NTNG2: variants seen among roughly 807,000 people sequenced by gnomAD.
NTNG2 encodes the protein netrin G2, also known as netrin-G2.
NTNG2 carries 15 observed loss-of-function variants against 47.6 expected under a neutral mutation model. The ratio of observed to expected loss-of-function variants is 0.32; its 90% CI spans 0.21 to 0.49. The LOEUF (loss-of-function observed/expected upper bound fraction) is 0.49, where lower values mean the gene tolerates loss of function less well. NTNG2 is among the 20% of genes least tolerant of loss of function. NTNG2 has a pLI of 0.99. For missense variants in NTNG2, 578 were observed against 764.6 expected (o/e 0.76, Z 2.88); for synonymous variants, 307 against 324.6 (o/e 0.95, Z 0.58).
intron 2 of NTNG2, among the ~76,000 whole-genome samples, chr9:132,196,896 G>A (rs1447766538): frequency 3.9e-5 from 6 of 152,132 alleles, no homozygotes; most frequent in African/African-American, 4.8e-5. Context: ...GGGTTCCCAC[G>A]ACCCCTCCCT....
intron 5 of NTNG2, among the ~76,000 whole-genome samples, chr9:132,234,540 A>C (rs1018471657): frequency 6.6e-6 from 1 of 152,142 alleles, no homozygotes; most frequent in Non-Finnish European, 1.5e-5. Flanking sequence ...GTGCCTCCCA[A>C]CAGGTGCTTC....
intron 2 of NTNG2, among the ~76,000 whole-genome samples, chr9:132,195,206 T>C (rs1234750704): frequency 1.3e-5 from 2 of 151,916 alleles, no homozygotes; most frequent in African/African-American, 4.8e-5. Context: ...TAAAACCCCA[T>C]GCCACCCTCC....
intron 3 of NTNG2, among the ~76,000 whole-genome samples, chr9:132,216,132 G>T (rs927433078): frequency 6.6e-6 from 1 of 152,134 alleles, no homozygotes; most frequent in Non-Finnish European, 1.5e-5. Flanking sequence ...GCGCTACCTG[G>T]TGCTGCAGCC....
chr9:132,215,591 A>C lies in NTNG2; in HGVS notation c.858-11258A>C, dbSNP rs1287937873. ...CGAGATTCCATCTCAAAATAAGTAA[A>C]TAAATAAAGGATAAATATCTGGCAA... On this transcript the variant is annotated intron_variant, in intron 3 of 7. Transcript: ENST00000393229. This position sits in a 1 kb window ranked among gnomAD's most constrained non-coding sequence, Gnocchi z 4.2. Among the ~76,000 whole-genome samples the C allele has an allele frequency of 6.6e-6, 1 of 152,066 alleles. No homozygotes were observed. The highest frequency in any genetic ancestry group is 1.5e-5 in the Non-Finnish European group (1 of 68,010).
chr9:132,240,195 C>T (rs988439124), intron 6 of NTNG2, among the ~76,000 whole-genome samples: 11 of 152,238 alleles, frequency 7.2e-5, no homozygotes, highest in African/African-American at 2.4e-4. Flanking sequence ...CTGGAGCTGT[C>T]GGTCTGAATT....
At chr9:132,175,125 A>G (rs943524210) in intron 2 of NTNG2, among the ~76,000 whole-genome samples, 1 of 151,976 alleles carries the variant, frequency 6.6e-6, no homozygotes, top group African/African-American at 2.4e-5. Flanking sequence ...GAAGGGGGCC[A>G]GGTGATTCGA....
chr9:132,181,322 C>CT (rs781556504), intron 2 of NTNG2, among the ~76,000 whole-genome samples: 3,198 of 130,632 alleles, frequency 0.024, 83 homozygotes, highest in East Asian at 0.11. Context: ...GGCTCACTTT[C>CT]TTTTTTTTTT....
At chr9:132,240,369 G>A (rs953874331) in intron 6 of NTNG2, among the ~76,000 whole-genome samples, 2 of 152,316 alleles carry the variant, frequency 1.3e-5, no homozygotes, top group African/African-American at 4.8e-5. Context: ...TCCACCCCGA[G>A]AGCCAGCACT....
chr9:132,241,050 T>C lies in NTNG2; in HGVS notation c.1357+6T>C. The C allele has an allele frequency of 6.3e-7, 1 of 1,593,338 alleles. No homozygotes were observed. On this transcript the variant is annotated splice_donor_region_variant and intron_variant, in intron 7 of 7. Coordinates refer to ENST00000393229, the MANE Select transcript of NTNG2 (RefSeq NM_032536.4). Reference sequence around the variant, plus strand: ...CTGGCGCCAGGGCTGCTACCGTGAGTGCGCGCCGTCCCCCGTGGGCGGGGC... The same window carrying C: ...CTGGCGCCAGGGCTGCTACCGTGAGCGCGCGCCGTCCCCCGTGGGCGGGGC...
At position 132,239,181 on chromosome 9, in the gene NTNG2, C is replaced by T; in HGVS notation, c.1132C>T (p.His378Tyr). Residue 378 changes from histidine (H) to tyrosine (Y), a missense_variant, in exon 6 of 8, where the codon CAC becomes TAC. By Grantham distance (83) the His-to-Tyr change is moderately conservative (BLOSUM62 2). Transcript: ENST00000393229. Reference sequence around the variant, plus strand: ...TGTGGTGACCTGCGTCAGCTGCAAGCACAACACGCGAGGTCAGCACTGCCA... The same window carrying T: ...TGTGGTGACCTGCGTCAGCTGCAAGTACAACACGCGAGGTCAGCACTGCCA... ...LNVVTCVSCK[H>Y]NTRGQHCQHC... 1 of 1,613,946 alleles carries T rather than the reference C, an allele frequency of 6.2e-7. No homozygotes were observed. The highest frequency in any genetic ancestry group is 8.5e-7 in the Non-Finnish European group (1 of 1,180,014).
At chr9:132,230,122 C>T (rs559407508) in intron 4 of NTNG2, among the ~76,000 whole-genome samples, 2 of 152,368 alleles carry the variant, frequency 1.3e-5, no homozygotes, top group South Asian at 2.1e-4. Context: ...CCGCGGCAGC[C>T]GCTCCCATGG....
Position 132,241,043 on chromosome 9 carries a change from C to T in NTNG2, c.1356C>T (p.Tyr452=), listed in dbSNP as rs745904382. The T allele has an allele frequency of 6.3e-7, 1 of 1,597,700 alleles. No homozygotes were observed. The highest frequency in any genetic ancestry group is 8.5e-7 in the Non-Finnish European group (1 of 1,176,162). The change falls in exon 7 of 8, where the codon TAC becomes TAT. Residue 452 remains tyrosine, a splice_region_variant and synonymous_variant. Coordinates refer to ENST00000393229, the MANE Select transcript of NTNG2 (RefSeq NM_032536.4). Reference sequence around the variant, plus strand: ...CGCACTACTGGCGCCAGGGCTGCTACCGTGAGTGCGCGCCGTCCCCCGTGG... The same window carrying T: ...CGCACTACTGGCGCCAGGGCTGCTATCGTGAGTGCGCGCCGTCCCCCGTGG... ...LPTHYWRQGC[Y]PNVCDDDQLL...
At chr9:132,219,847 G>A (rs530522907) in intron 3 of NTNG2, among the ~76,000 whole-genome samples, 101 of 152,220 alleles carry the variant, frequency 6.6e-4, no homozygotes, top group African/African-American at 2.1e-3. Context: ...ACATGTTTTC[G>A]TTTCTCTTGG....
chr9:132,210,781 TCCCTC>T (rs1451828158), intron 3 of NTNG2, among the ~76,000 whole-genome samples: 1 of 151,982 alleles, frequency 6.6e-6, no homozygotes, highest in African/African-American at 2.4e-5. Context: ...CTGGGCTGCC[TCCCTC>T]CACATCTCAG....
chr9:132,208,484 T>C lies in NTNG2; in HGVS notation c.857+9875T>C, dbSNP rs7027769. 0.48 allele frequency among the ~76,000 whole-genome samples: 73,613 copies of C among 151,864 alleles called. 18,025 individuals are homozygous for C. Among genetic ancestry groups the C allele is most frequent in the East Asian group, 0.56 (2,862 of 5,138 alleles). ...GCGGTGCTGGAGGCCTGCAGGAGACTGGGCGGGCCCTACCAAGACTGACAG... is the reference window on the plus strand; with the variant it reads ...GCGGTGCTGGAGGCCTGCAGGAGACCGGGCGGGCCCTACCAAGACTGACAG... On this transcript the variant is annotated intron_variant, in intron 3 of 7. Transcript: ENST00000393229. The surrounding 1 kb of genome is among the most constrained non-coding windows in gnomAD (Gnocchi z 4.0).
At chr9:132,217,291 A>G (rs1434244112) in intron 3 of NTNG2, among the ~76,000 whole-genome samples, 2 of 152,224 alleles carry the variant, frequency 1.3e-5, no homozygotes, top group African/African-American at 4.8e-5. Context: ...GCCTTCCAGA[A>G]TAGGGCAGAG....
intron 2 of NTNG2, among the ~76,000 whole-genome samples, chr9:132,172,597 C>T (rs2131302389): frequency 6.6e-6 from 1 of 152,272 alleles, no homozygotes; most frequent in African/African-American, 2.4e-5. Context: ...GCTATCTTTG[C>T]ATCCCCAGCA....
At chr9:132,175,919 A>T (rs890306037) in intron 2 of NTNG2, among the ~76,000 whole-genome samples, 3 of 152,180 alleles carry the variant, frequency 2.0e-5, no homozygotes, top group African/African-American at 7.2e-5. Flanking sequence ...AAACCACACA[A>T]AACAGTGGAC....
intron 6 of NTNG2, 57 bp from the exon 7 acceptor site, chr9:132,240,853 G>A: frequency 1.2e-6 from 2 of 1,610,372 alleles, no homozygotes; most frequent in Non-Finnish European, 1.7e-6. Flanking sequence ...GTGGGGGTCC[G>A]AGAAGACGGC....
Sources: allele counts gnomAD v4.1 joint callset (sites outside exome capture counted in the v4.1 genomes callset), GRCh38; gene constraint gnomAD v4.1.1; non-coding constraint Gnocchi (gnomAD v3.1); transcripts MANE v1.5; gene names NCBI Gene and HGNC (gene_info 2026-07-23, HGNC 2026-07-21).